The following SEPTIN2 variants were observed in gnomAD, a reference collection of about 807,000 sequenced individuals.
SEPTIN2 encodes septin 2.
A neutral mutation model predicts 46.5 loss-of-function variants in SEPTIN2; 34 were observed. The ratio of observed to expected loss-of-function variants is 0.73; its 90% CI spans 0.56 to 0.97. The LOEUF (loss-of-function observed/expected upper bound fraction) is 0.97, where lower values mean the gene tolerates loss of function less well. Ranked by LOEUF, SEPTIN2 falls within the 50% of genes least tolerant of loss-of-function variation. The pLI is 0.00. For synonymous variants in SEPTIN2, 175 were observed against 153.4 expected (o/e 1.14, Z -1.04); for missense variants, 347 against 448.4 (o/e 0.77, Z 2.04).
At chr2:241,335,076 A>G (rs754538916) in intron 3 of SEPTIN2, 50 bp from the exon 4 acceptor site, 62 of 1,294,558 alleles carry the variant, frequency 4.8e-5, no homozygotes, top group South Asian at 1.5e-4. Context: ...AACCGATTGA[A>G]TGGTGTCATA....
Position 241,324,200 on chromosome 2 carries a change from GTTTT to G in SEPTIN2, c.-17-9_-17-6del. The G allele has an allele frequency of 7.0e-7, 1 of 1,418,960 alleles. No homozygotes were observed. The highest frequency in any genetic ancestry group is 9.6e-7 in the Non-Finnish European group (1 of 1,036,596). 87.9% of individuals were successfully genotyped at this position (1,418,960 alleles called of 1,614,324 possible). The stretch of plus-strand genomic sequence containing the variant: ...TATGTGCGTTTATGTGTGTCTGTGT[GTTTT>G]TTTTTTAACAGACGAAGCTTCACAA... On this transcript the variant is annotated splice_polypyrimidine_tract_variant and intron_variant, in intron 1 of 12. Transcript: ENST00000391971.
chr2:241,335,241 G>A (rs2079746766), intron 4 of SEPTIN2, 29 bp downstream of exon 4: 3 of 1,606,214 alleles, frequency 1.9e-6, no homozygotes, highest in South Asian at 2.2e-5. Context: ...TACTGTAAGT[G>A]TAATTCTACA....
chr2:241,348,018 A>G, intron 10 of SEPTIN2, 116 bp from the exon 11 acceptor site: 1 of 797,928 alleles, frequency 1.3e-6, no homozygotes, highest in Non-Finnish European at 2.0e-6. Context: ...CCATCTCAAT[A>G]TAAAAAGAGA....
intron 1 of SEPTIN2, among the ~76,000 whole-genome samples, chr2:241,323,519 A>G (rs1172070351): frequency 6.6e-6 from 1 of 152,136 alleles, no homozygotes; most frequent in African/African-American, 2.4e-5. Context: ...CGGCCTCCCA[A>G]AGTGCTGGAA....
chr2:241,316,534 G>A, intron 1 of SEPTIN2: 1 of 1,521,632 alleles, frequency 6.6e-7, no homozygotes, highest in South Asian at 1.2e-5. Flanking sequence ...GAGGAGAGGC[G>A]ACGAAGGTCT....
chr2:241,340,361 C>G (rs1027446171), intron 7 of SEPTIN2, among the ~76,000 whole-genome samples: 3 of 152,110 alleles, frequency 2.0e-5, no homozygotes, highest in Non-Finnish European at 2.9e-5. Context: ...TTGACTATCA[C>G]GTTGCAGATG....
chr2:241,335,980 A>C lies in SEPTIN2; in HGVS notation c.223A>C (p.Ile75Leu). Residue 75 changes from isoleucine to leucine, a missense_variant, in exon 5 of 13, where the codon ATT (isoleucine) becomes CTT (leucine). Coordinates refer to ENST00000391971, the MANE Select transcript of SEPTIN2 (RefSeq NM_004404.5). ...TAAGTTTGTTTCTTTTCTAGAAAAAATTGAAAGAACTGTCCAGATTGAGGC... is the reference window on the plus strand; with the variant it reads ...TAAGTTTGTTTCTTTTCTAGAAAAACTTGAAAGAACTGTCCAGATTGAGGC... ...ERVIPGAAEKIERTVQIEAST... is the reference protein window; with the variant it reads ...ERVIPGAAEKLERTVQIEAST... 6.2e-7 allele frequency: 1 copy of C among 1,614,130 alleles called. No homozygotes were observed. The highest frequency in any genetic ancestry group is 1.1e-5 in the South Asian group (1 of 91,090).
At chr2:241,336,224 T>G in intron 5 of SEPTIN2, 126 bp downstream of exon 5, 1 of 967,452 alleles carries the variant, frequency 1.0e-6, no homozygotes. Context: ...CTAGACAATT[T>G]AAAGCGTGTT....
rs911940653 is a variant in SEPTIN2, at chr2:241,319,202, C to T, written c.-18+3220C>T. 2.0e-5 allele frequency among the ~76,000 whole-genome samples: 3 copies of T among 152,052 alleles called. 1 individual carries two copies. The highest frequency in any genetic ancestry group is 4.4e-5 in the Non-Finnish European group (3 of 68,024). On this transcript the variant is annotated intron_variant, in intron 1 of 12. Transcript: ENST00000391971. The stretch of plus-strand genomic sequence containing the variant: ...TGAATACTGATTGGATATTTGATTG[C>T]ATTAAAGAACTAGCTATGTGTAATG...
chr2:241,343,736 G>A lies in SEPTIN2; in HGVS notation c.697-16G>A. On this transcript the variant is annotated splice_polypyrimidine_tract_variant and intron_variant, in intron 8 of 12. Transcript: ENST00000391971. Reference sequence around the variant, plus strand: ...TCCCTGTGTGGAGCCTGTCTACTCTGTGTGTCTCTTTCTAGGCTAGCATCC... The same window carrying A: ...TCCCTGTGTGGAGCCTGTCTACTCTATGTGTCTCTTTCTAGGCTAGCATCC... The A allele has an allele frequency of 6.2e-7, 1 of 1,613,926 alleles. No individual in the cohort carries two copies. The highest frequency in any genetic ancestry group is 8.5e-7 in the Non-Finnish European group (1 of 1,179,874).
chr2:241,342,408 G>A (rs1275340390), intron 7 of SEPTIN2, among the ~76,000 whole-genome samples: 1 of 151,786 alleles, frequency 6.6e-6, no homozygotes, highest in East Asian at 1.9e-4. Flanking sequence ...TTGTGCTGGG[G>A]CTATCGTTAG....
chr2:241,336,346 AC>A (rs1034594304), intron 5 of SEPTIN2: 2 of 450,340 alleles, frequency 4.4e-6, no homozygotes, highest in African/African-American at 3.9e-5. Flanking sequence ...TATAAATGAA[AC>A]ACCTGGATTT....
At chr2:241,331,728 C>T (rs930855789) in intron 3 of SEPTIN2, among the ~76,000 whole-genome samples, 6 of 152,126 alleles carry the variant, frequency 3.9e-5, no homozygotes, top group Non-Finnish European at 8.8e-5. Context: ...CAAGCTGATT[C>T]GGAAGTTTAA....
intron 7 of SEPTIN2, 152 bp downstream of exon 7, chr2:241,337,942 A>G: frequency 1.8e-6 from 1 of 541,254 alleles, no homozygotes; most frequent in Non-Finnish European, 3.3e-6. Context: ...TTTCAAGGAG[A>G]ACCTGATGGT....
At chr2:241,334,987 A>G (rs2079687457) in intron 3 of SEPTIN2, 139 bp from the exon 4 acceptor site, 1 of 617,252 alleles carries the variant, frequency 1.6e-6, no homozygotes, top group African/African-American at 1.8e-5. Flanking sequence ...TACTGCAAAC[A>G]TAGTAGTACT....
chr2:241,324,096 T>C (rs2077549612), intron 1 of SEPTIN2, 120 bp from the exon 2 acceptor site: 6 of 864,794 alleles, frequency 6.9e-6, no homozygotes, highest in Non-Finnish European at 1.1e-5. Context: ...ATTTTCTTTT[T>C]ACATTGCCTA....
At chr2:241,317,254 T>TA (rs1369214794) in intron 1 of SEPTIN2, among the ~76,000 whole-genome samples, 1 of 152,230 alleles carries the variant, frequency 6.6e-6, no homozygotes, top group African/African-American at 2.4e-5. Context: ...TGTGTACTGT[T>TA]ATGTATAATC....
chr2:241,345,640 G>A (rs1402749441), intron 9 of SEPTIN2, among the ~76,000 whole-genome samples: 1 of 152,232 alleles, frequency 6.6e-6, no homozygotes, highest in African/African-American at 2.4e-5. Context: ...TGAATGGAAG[G>A]TTAAGTTGCT....
At chr2:241,342,534 A>ATTTTTTTTTT (rs548033372) in intron 7 of SEPTIN2, among the ~76,000 whole-genome samples, 4 of 86,982 alleles carry the variant, frequency 4.6e-5, no homozygotes, top group Non-Finnish European at 6.4e-5. Context: ...AGTTTTGTAA[A>ATTTTTTTTTT]TTTTTTTTTT....
Sources: allele counts gnomAD v4.1 joint callset (sites outside exome capture counted in the v4.1 genomes callset), GRCh38; gene constraint gnomAD v4.1.1; transcripts MANE v1.5; gene names NCBI Gene and HGNC (gene_info 2026-07-23, HGNC 2026-07-21).